The following HACD4 variants were observed in gnomAD, a reference collection of about 807,000 sequenced individuals.
The protein encoded by HACD4 is very-long-chain (3R)-3-hydroxyacyl-CoA dehydratase 4.
A neutral mutation model predicts 33.3 loss-of-function variants in HACD4; 35 were observed. That is an observed-to-expected ratio of 1.05 (90% confidence interval 0.80 to 1.39). The LOEUF (loss-of-function observed/expected upper bound fraction) is 1.39, where lower values mean the gene tolerates loss of function less well. HACD4 is among the 40% of genes most tolerant of loss of function. HACD4 has a pLI of 0.00. For missense variants in HACD4, 323 were observed against 276.5 expected, an observed-to-expected ratio of 1.17 and a Z score of -1.19; for synonymous variants, 118 against 98.0, an observed-to-expected ratio of 1.20 and a Z score of -1.21.
intron 3 of HACD4, among the ~76,000 whole-genome samples, chr9:21,022,869 T>C (rs1335284524): frequency 1.3e-5 from 2 of 151,826 alleles, no homozygotes; most frequent in Non-Finnish European, 2.9e-5. Flanking sequence ...CATTACTGGG[T>C]ATATACCCAA....
In HACD4 at chr9:21,006,980, T is replaced by C; in HGVS notation, c.*57A>G. On this transcript the variant is annotated 3_prime_UTR_variant, in exon 7 of 7. Coordinates refer to ENST00000495827, the MANE Select transcript of HACD4 (RefSeq NM_001010915.5). This position sits in a 1 kb window ranked among gnomAD's most constrained non-coding sequence, Gnocchi z 4.6. ...CCACCAGAATACTTCCTGTGTTTTATTTACTGCACTGAATCCACAGCCTGT... is the reference window on the plus strand; with the variant it reads ...CCACCAGAATACTTCCTGTGTTTTACTTACTGCACTGAATCCACAGCCTGT... 2.1e-6 allele frequency: 2 copies of C among 960,466 alleles called. No individual in the cohort carries two copies. Among genetic ancestry groups the C allele is most frequent in the Non-Finnish European group, 3.4e-6 (2 of 585,320 alleles). The allele number at this position is 960,466 out of a possible 1,614,324, so 59.5% of individuals were successfully genotyped here.
At chr9:21,016,459 G>C (rs1842558058) in intron 3 of HACD4, among the ~76,000 whole-genome samples, 1 of 152,200 alleles carries the variant, frequency 6.6e-6, no homozygotes, top group Non-Finnish European at 1.5e-5. Context: ...TCTGCCTGGA[G>C]AAAGAATGCA....
chr9:21,021,359 A>G (rs1243651595), intron 3 of HACD4, among the ~76,000 whole-genome samples: 4 of 152,124 alleles, frequency 2.6e-5, no homozygotes, highest in Non-Finnish European at 5.9e-5. Context: ...ATTCAACATA[A>G]TGTTGGAAGT....
intron 4 of HACD4, among the ~76,000 whole-genome samples, chr9:21,013,107 CA>C (rs1842476447): frequency 6.6e-6 from 1 of 151,220 alleles, no homozygotes; most frequent in South Asian, 2.1e-4. Context: ...TGATGAAGTC[CA>C]ATTTATCTTT....
chr9:21,018,545 G>A (rs1261693519), intron 3 of HACD4, among the ~76,000 whole-genome samples: 3 of 152,104 alleles, frequency 2.0e-5, no homozygotes, highest in Non-Finnish European at 4.4e-5. Context: ...CAATTTTGAA[G>A]AAAAGGCTTT....
At position 21,005,595 on chromosome 9, in the gene HACD4, G is replaced by A. The variant is rs555941574; in HGVS notation, c.*1442C>T. The A allele has an allele frequency of 8.5e-5, 13 of 152,282 alleles. No individual in the cohort carries two copies. The highest frequency in any genetic ancestry group is 7.2e-4 in the Admixed American group (11 of 15,298). The allele number at this position is 152,282 out of a possible 1,614,324, so 9.4% of individuals were successfully genotyped here. On this transcript the variant is annotated 3_prime_UTR_variant, in exon 7 of 7. Transcript: ENST00000495827. The surrounding 1 kb of genome is among the most constrained non-coding windows in gnomAD (Gnocchi z 4.0). ...CTTCAAGAAAAGGAGAAACTGACCCGGAACAATGATTCAGAGAACATCAGT... is the reference window on the plus strand; with the variant it reads ...CTTCAAGAAAAGGAGAAACTGACCCAGAACAATGATTCAGAGAACATCAGT...
intron 2 of HACD4, among the ~76,000 whole-genome samples, chr9:21,028,143 A>AG (rs1818111517): frequency 6.6e-6 from 1 of 151,164 alleles, no homozygotes; most frequent in South Asian, 2.1e-4. Flanking sequence ...CTCAAAAAAA[A>AG]AAAAAAAAGA....
At chr9:21,010,541 T>A (rs1164166125) in intron 5 of HACD4, among the ~76,000 whole-genome samples, 2 of 147,444 alleles carry the variant, frequency 1.4e-5, no homozygotes, top group Non-Finnish European at 3.0e-5. Context: ...TATGCTGATA[T>A]AAGCCCTGTT....
At chr9:21,030,585 G>T (rs554704363) in intron 1 of HACD4, among the ~76,000 whole-genome samples, 1 of 152,340 alleles carries the variant, frequency 6.6e-6, no homozygotes, top group East Asian at 1.9e-4. Context: ...GTTCTGAAGG[G>T]GGGTAGGGAT....
At chr9:21,020,359 C>G (rs2132788652) in intron 3 of HACD4, among the ~76,000 whole-genome samples, 1 of 152,182 alleles carries the variant, frequency 6.6e-6, no homozygotes, top group East Asian at 1.9e-4. Flanking sequence ...GGATATCAGT[C>G]TAATGTTATG....
rs755819076 is a variant in HACD4 at position 21,011,695 on chromosome 9, C to T, written c.384G>A (p.Arg128=). 4 of 1,553,840 alleles carry T rather than the reference C, an allele frequency of 2.6e-6. No homozygotes were observed. The highest frequency in any genetic ancestry group is 3.5e-6 in the Non-Finnish European group (4 of 1,132,634). The part of the protein sequence containing the change: ...FVFWNLLDMV[R]YTYSMLSVIG... ...TGACTGATAACATGCTATAAGTGTA[C>T]CTGAAAGGAGATGAGAAGCTCATAA... The change falls in exon 5 of 7, where the codon AGG becomes AGA. Residue 128 remains arginine, a splice_region_variant and synonymous_variant. Transcript: ENST00000495827.
At chr9:21,023,820 C>G (rs970203021) in intron 3 of HACD4, among the ~76,000 whole-genome samples, 1 of 152,172 alleles carries the variant, frequency 6.6e-6, no homozygotes. Context: ...CGTGATCCGA[C>G]CGCCTCAGCC....
intron 6 of HACD4, 51 bp from the exon 7 acceptor site, chr9:21,007,170 G>T (rs1842292081): frequency 1.1e-6 from 1 of 947,574 alleles, no homozygotes; most frequent in Non-Finnish European, 1.7e-6. Context: ...CTATTTCTCT[G>T]GAAGAAACAA....
rs1328616178 is a variant in HACD4 at position 21,000,620 on chromosome 9, T to G, written c.*6417A>C. 1 of 152,100 alleles carries G rather than the reference T, an allele frequency of 6.6e-6. No individual in the cohort carries two copies. The highest frequency in any genetic ancestry group is 6.6e-5 in the Admixed American group (1 of 15,248). 9.4% of individuals were successfully genotyped at this position (152,100 alleles called of 1,614,324 possible). A position where few individuals can be genotyped will look rare whatever the true frequency, so the allele number is the denominator to read the frequency against. On this transcript the variant is annotated 3_prime_UTR_variant, in exon 7 of 7. Transcript: ENST00000495827. ...CACTACCCTGGAGAACCATGTCATA[T>G]CAACATTAGCATATAACTCAGACCG...
rs1476449672 is a variant in HACD4 at position 21,000,177 on chromosome 9, A to T, written c.*6860T>A. 6.6e-6 allele frequency: 1 copy of T among 152,190 alleles called. No individual in the cohort carries two copies. Among genetic ancestry groups the T allele is most frequent in the Non-Finnish European group, 1.5e-5 (1 of 68,020 alleles). The allele number at this position is 152,190 out of a possible 1,614,324, so 9.4% of individuals were successfully genotyped here. A position where few individuals can be genotyped will look rare whatever the true frequency, so the allele number is the denominator to read the frequency against. ...GGCATACTTTTACTAATTGACTTTC[A>T]TATGGAATTAACTAACCTTATTTTA... On this transcript the variant is annotated 3_prime_UTR_variant, in exon 7 of 7. Transcript: ENST00000495827.
chr9:21,015,896 A>G lies in HACD4; in HGVS notation c.383+2T>C. On this transcript the variant is annotated splice_donor_variant, in intron 4 of 6. Transcript: ENST00000495827. LOFTEE classifies it high-confidence loss of function. ...TTTTAAGAGATTATTTTGCCTTCTTACCTAACCATATCCAATAGATTCCAA... is the reference window on the plus strand; with the variant it reads ...TTTTAAGAGATTATTTTGCCTTCTTGCCTAACCATATCCAATAGATTCCAA... The G allele has an allele frequency of 6.3e-7, 1 of 1,596,406 alleles. No individual in the cohort carries two copies.
At chr9:21,025,402 T>C (rs1191864876) in intron 3 of HACD4, among the ~76,000 whole-genome samples, 1 of 93,608 alleles carries the variant, frequency 1.1e-5, no homozygotes, top group Middle Eastern at 5.3e-3. Context: ...ATTTAAAGTG[T>C]ACATTTACAT....
chr9:21,019,737 C>G (rs1817856426), intron 3 of HACD4, among the ~76,000 whole-genome samples: 1 of 152,006 alleles, frequency 6.6e-6, no homozygotes, highest in Admixed American at 6.6e-5. Flanking sequence ...GTAATTCACC[C>G]TCAGGAGGCT....
rs112625377 is a variant in HACD4 at position 21,014,436 on chromosome 9, T to C, written c.383+1462A>G. On this transcript the variant is annotated intron_variant, in intron 4 of 6. Coordinates refer to ENST00000495827, the MANE Select transcript of HACD4 (RefSeq NM_001010915.5). Reference sequence around the variant, plus strand: ...CAACACAGAGGAACCTTGAAAACATTATGCTAAGTAAAAGACGCCTGTCAC... The same window carrying C: ...CAACACAGAGGAACCTTGAAAACATCATGCTAAGTAAAAGACGCCTGTCAC... Among the ~76,000 whole-genome samples the C allele has an allele frequency of 6.5e-3, 991 of 152,222 alleles. 13 individuals carry two copies. Among genetic ancestry groups the C allele is most frequent in the African/African-American group, 0.023 (949 of 41,532 alleles).
Sources: gnomAD v4.1 joint callset for allele counts (sites outside exome capture counted in the v4.1 genomes callset) on GRCh38, gnomAD v4.1.1 for gene constraint, Gnocchi (gnomAD v3.1) non-coding constraint, MANE v1.5 for transcripts, NCBI Gene and HGNC (gene_info 2026-07-23, HGNC 2026-07-21) for gene names.